Variants in HIVEP3 observed in about 807,000 individuals in gnomAD.
HIVEP3 encodes the protein transcription factor HIVEP3.
In HIVEP3, 49 loss-of-function variants were observed where a neutral mutation model predicts 152.8. The ratio of observed to expected loss-of-function variants is 0.32; its 90% CI spans 0.26 to 0.41. The LOEUF is 0.41. Ranked by LOEUF, HIVEP3 falls within the 10% of genes least tolerant of loss-of-function variation. HIVEP3 has a pLI of 1.00. For synonymous variants in HIVEP3, 1,269 were observed against 1,289.0 expected, an observed-to-expected ratio of 0.98 and a Z score of 0.33; for missense variants, 2,790 against 3,103.3, an observed-to-expected ratio of 0.90 and a Z score of 2.40.
At chr1:41,929,192 A>C (rs1325496723) in intron 1 of HIVEP3, among the ~76,000 whole-genome samples, 1 of 152,154 alleles carries the variant, frequency 6.6e-6, no homozygotes, top group African/African-American at 2.4e-5. Context: ...ATTCACTGGA[A>C]TTCTTCTGGT....
chr1:41,825,263 C>T (rs911449026), intron 1 of HIVEP3, among the ~76,000 whole-genome samples: 5 of 151,784 alleles, frequency 3.3e-5, no homozygotes, highest in South Asian at 4.2e-4. Context: ...TTCACGAGGG[C>T]GGGGAGGGCA....
At chr1:42,018,010 T>C (rs1001219099) in intron 1 of HIVEP3, among the ~76,000 whole-genome samples, 3 of 152,190 alleles carry the variant, frequency 2.0e-5, no homozygotes, top group African/African-American at 7.2e-5. Context: ...TTAATTTGCA[T>C]TTCTCTGACA....
Position 41,533,274 on chromosome 1 carries a change from G to A in HIVEP3, c.5208-8364C>T, listed in dbSNP as rs1346208579. ...GCCTGAGGTAGACCTGCCGGGCTCT[G>A]GGTCCAGCTCCTCCTGCGGTGCCAG... On this transcript the variant is annotated intron_variant, in intron 5 of 8. Coordinates refer to ENST00000372583, the MANE Select transcript of HIVEP3 (RefSeq NM_024503.5). The surrounding 1 kb of genome is among the most constrained non-coding windows in gnomAD (Gnocchi z 4.3). Among the ~76,000 whole-genome samples the A allele has an allele frequency of 6.6e-6, 1 of 152,078 alleles. No homozygotes were observed. The highest frequency in any genetic ancestry group is 1.5e-5 in the Non-Finnish European group (1 of 68,008).
intron 1 of HIVEP3, among the ~76,000 whole-genome samples, chr1:41,725,500 C>T (rs569287881): frequency 6.6e-6 from 1 of 152,344 alleles, no homozygotes; most frequent in South Asian, 2.1e-4. Flanking sequence ...CAGGACTTCC[C>T]ACCTCCCAAA....
chr1:41,924,294 T>C (rs1173899364), intron 1 of HIVEP3, among the ~76,000 whole-genome samples: 1 of 152,156 alleles, frequency 6.6e-6, no homozygotes, highest in South Asian at 2.1e-4. Flanking sequence ...AATACCTTGA[T>C]TTTGGATTTC....
chr1:41,580,672 C>G lies in HIVEP3; in HGVS notation c.4126G>C (p.Val1376Leu). ...CTTAACCCAGAAGGGCCGGGCCCAA[C>G]CTCATGCACATCTGCACCACATACA... ...TTVCGADVHE[V>L]GPGPSGLSEE... Residue 1376 changes from valine to leucine, a missense_variant, in exon 4 of 9, where the codon GTT becomes CTT. Val to Leu is a conservative substitution (Grantham distance 32, BLOSUM62 1). Around this residue, in one of 9 missense-constraint regions of HIVEP3, gnomAD observed 1,078 missense variants for 1,165.3 expected, o/e 0.93. Coordinates refer to ENST00000372583, the MANE Select transcript of HIVEP3 (RefSeq NM_024503.5). 1 of 1,613,346 alleles carries G rather than the reference C, an allele frequency of 6.2e-7. No homozygotes were observed. Among genetic ancestry groups the G allele is most frequent in the Non-Finnish European group, 8.5e-7 (1 of 1,179,608 alleles).
intron 1 of HIVEP3, among the ~76,000 whole-genome samples, chr1:41,806,944 T>C (rs1368422901): frequency 1.3e-5 from 2 of 152,042 alleles, no homozygotes; most frequent in African/African-American, 4.8e-5. Context: ...TTCAGGAGGA[T>C]GGGATGAGTC....
intron 1 of HIVEP3, among the ~76,000 whole-genome samples, chr1:42,020,354 T>C (rs190728780): frequency 2.3e-3 from 343 of 152,268 alleles, no homozygotes; most frequent in African/African-American, 7.8e-3. Context: ...TGCTGTTTGA[T>C]GCGAAGGTCT....
chr1:41,561,017 A>G (rs1324633819), intron 5 of HIVEP3, among the ~76,000 whole-genome samples: 1 of 152,216 alleles, frequency 6.6e-6, no homozygotes. Context: ...ACAAGGCTTG[A>G]AGGAGCCTGC....
intron 1 of HIVEP3, among the ~76,000 whole-genome samples, chr1:41,772,397 C>T (rs1266544710): frequency 1.3e-5 from 2 of 152,148 alleles, no homozygotes; most frequent in African/African-American, 4.8e-5. Context: ...AAGCCAGCTG[C>T]AGGTGGGTTT....
intron 2 of HIVEP3, among the ~76,000 whole-genome samples, chr1:41,665,707 TACAC>T (rs10530354): frequency 1.7e-4 from 22 of 128,018 alleles, no homozygotes; most frequent in South Asian, 2.8e-4. Context: ...GGAAATGTTA[TACAC>T]ACACACACAC....
In HIVEP3 at chr1:41,854,146, C is replaced by CCT. The variant is rs143354235; in HGVS notation, c.-801+64265_-801+64266dup. On this transcript the variant is annotated intron_variant, in intron 1 of 8. Transcript: ENST00000372583. ...CTCTCTCCCTCTCTCTGTCCCACCT[C>CCT]CTCTCTCTCTCTCTCTCTCAGTTCT... 5.8e-4 allele frequency among the ~76,000 whole-genome samples: 87 copies of CCT among 149,380 alleles called. No homozygotes were observed. In the South Asian group the frequency reaches 7.2e-3, roughly 12 times the overall value.
At chr1:41,659,130 G>A (rs894676642) in intron 2 of HIVEP3, among the ~76,000 whole-genome samples, 27 of 152,294 alleles carry the variant, frequency 1.8e-4, no homozygotes, top group African/African-American at 6.3e-4. Flanking sequence ...TGCAAGTATG[G>A]CCTCTTCCTG....
intron 1 of HIVEP3, among the ~76,000 whole-genome samples, chr1:41,896,550 A>G (rs1644529825): frequency 6.6e-6 from 1 of 151,650 alleles, no homozygotes; most frequent in African/African-American, 2.4e-5. Flanking sequence ...ATCCCACTCA[A>G]AAAGGCATGC....
chr1:41,646,568 C>T (rs1017747187), intron 2 of HIVEP3, among the ~76,000 whole-genome samples: 1 of 152,142 alleles, frequency 6.6e-6, no homozygotes, highest in Non-Finnish European at 1.5e-5. Flanking sequence ...GGGTCTATGA[C>T]CACTTTCTTA....
chr1:41,516,687 A>T (rs780632211), intron 7 of HIVEP3, among the ~76,000 whole-genome samples: 10 of 152,164 alleles, frequency 6.6e-5, no homozygotes, highest in Non-Finnish European at 1.2e-4. Context: ...GCTCTCTCTG[A>T]ACCGGCTGCC....
chr1:41,804,243 A>G (rs1650472543), intron 1 of HIVEP3, among the ~76,000 whole-genome samples: 1 of 152,170 alleles, frequency 6.6e-6, no homozygotes, highest in Non-Finnish European at 1.5e-5. Flanking sequence ...GTGGTCCCAC[A>G]GCCCCTGCCT....
intron 1 of HIVEP3, among the ~76,000 whole-genome samples, chr1:41,832,922 G>A (rs1300057306): frequency 6.6e-6 from 1 of 152,164 alleles, no homozygotes; most frequent in Non-Finnish European, 1.5e-5. Context: ...GTCTGGCTGA[G>A]GTCTAGGAAT....
At chr1:41,822,016 A>T (rs1642619401) in intron 1 of HIVEP3, among the ~76,000 whole-genome samples, 1 of 152,190 alleles carries the variant, frequency 6.6e-6, no homozygotes, top group Admixed American at 6.5e-5. Context: ...GTGTCTTAAA[A>T]TCATCCTTTT....
Sources: gnomAD v4.1 joint callset for allele counts (sites outside exome capture counted in the v4.1 genomes callset) on GRCh38, gnomAD v4.1.1 for gene constraint, gnomAD v4.1.1 regional missense constraint, Gnocchi (gnomAD v3.1) non-coding constraint, MANE v1.5 for transcripts, NCBI Gene and HGNC (gene_info 2026-07-23, HGNC 2026-07-21) for gene names.